The following LHFPL3 variants were observed in gnomAD, a reference collection of about 807,000 sequenced individuals.
LHFPL3 encodes the protein LHFPL tetraspan subfamily member 3 protein.
LHFPL3 carries 5 observed loss-of-function variants against 19.3 expected under a neutral mutation model. The observed-to-expected ratio is 0.26, with a 90% CI of 0.14 to 0.54. LHFPL3 has a LOEUF of 0.54. Ranked by LOEUF, LHFPL3 falls within the 20% of genes least tolerant of loss-of-function variation. LHFPL3 has a pLI of 0.94. For missense variants in LHFPL3, 249 were observed against 307.4 expected (o/e 0.81, Z 1.42); for synonymous variants, 133 against 126.2 (o/e 1.05, Z -0.36).
chr7:104,544,270 T>C (rs1332236931), intron 1 of LHFPL3, among the ~76,000 whole-genome samples: 1 of 152,090 alleles, frequency 6.6e-6, no homozygotes, highest in African/African-American at 2.4e-5. Context: ...TAAATGAAAA[T>C]AACTCCAATA....
intron 2 of LHFPL3, among the ~76,000 whole-genome samples, chr7:104,884,558 A>G (rs1792114612): frequency 7.4e-6 from 1 of 135,354 alleles, no homozygotes; most frequent in African/African-American, 2.5e-5. Flanking sequence ...AGTCTTAGTA[A>G]GATCTTTTTT....
intron 1 of LHFPL3, among the ~76,000 whole-genome samples, chr7:104,710,221 A>C (rs191953539): frequency 1.9e-4 from 29 of 152,350 alleles, no homozygotes; most frequent in Non-Finnish European, 3.5e-4. Context: ...AAGTTGGTCA[A>C]CTTCTTAAAG....
At chr7:104,677,649 C>T (rs564440940) in intron 1 of LHFPL3, among the ~76,000 whole-genome samples, 57 of 152,292 alleles carry the variant, frequency 3.7e-4, no homozygotes, top group Admixed American at 7.8e-4. Flanking sequence ...CTAGGGCAGT[C>T]CTGTCCGCTG....
At chr7:104,455,068 CTT>C (rs1792513771) in intron 1 of LHFPL3, among the ~76,000 whole-genome samples, 1 of 152,108 alleles carries the variant, frequency 6.6e-6, no homozygotes, top group African/African-American at 2.4e-5. Flanking sequence ...AGTGTTTTTC[CTT>C]TATAGTTTCA....
chr7:104,522,496 C>T (rs985626987), intron 1 of LHFPL3, among the ~76,000 whole-genome samples: 2 of 151,742 alleles, frequency 1.3e-5, no homozygotes, highest in African/African-American at 2.4e-5. Flanking sequence ...TGTAACTAAC[C>T]TGCACATTGT....
At chr7:104,658,350 T>C (rs1792156813) in intron 1 of LHFPL3, among the ~76,000 whole-genome samples, 1 of 152,234 alleles carries the variant, frequency 6.6e-6, no homozygotes, top group Non-Finnish European at 1.5e-5. Context: ...TTTCTTTCTC[T>C]CTCTTTTTTT....
At chr7:104,667,565 T>C (rs1196414941) in intron 1 of LHFPL3, among the ~76,000 whole-genome samples, 2 of 152,228 alleles carry the variant, frequency 1.3e-5, no homozygotes, top group African/African-American at 2.4e-5. Context: ...AATCTTCCTA[T>C]AAAGCCTCCA....
chr7:104,643,632 A>C (rs1475399323), intron 1 of LHFPL3, among the ~76,000 whole-genome samples: 1 of 152,176 alleles, frequency 6.6e-6, no homozygotes, highest in Non-Finnish European at 1.5e-5. Flanking sequence ...GGAATCACCC[A>C]AAGAGCCTGG....
At chr7:104,787,469 G>C (rs143461943) in intron 2 of LHFPL3, among the ~76,000 whole-genome samples, 1 of 152,168 alleles carries the variant, frequency 6.6e-6, no homozygotes, top group South Asian at 2.1e-4. Flanking sequence ...GGCACCAACA[G>C]ATATGGTGTC....
chr7:104,794,565 C>T lies in LHFPL3; in HGVS notation c.682+57654C>T, dbSNP rs555686432. Among the ~76,000 whole-genome samples, 2 of 152,230 alleles carry T rather than the reference C, an allele frequency of 1.3e-5. 1 individual carries two copies. Among genetic ancestry groups the T allele is most frequent in the African/African-American group, 4.8e-5 (2 of 41,528 alleles). On this transcript the variant is annotated intron_variant, in intron 2 of 2. Transcript: ENST00000424859. ...TGTGCGATCACATTAAATTCAAGAG[C>T]CAATGTTTCTTTAATAGTTTCTTCT...
intron 1 of LHFPL3, among the ~76,000 whole-genome samples, chr7:104,618,131 C>A (rs1791382381): frequency 6.6e-6 from 1 of 152,090 alleles, no homozygotes; most frequent in Admixed American, 6.5e-5. Context: ...ACAAAAGAAG[C>A]CAAGAGATGT....
chr7:104,426,143 T>A (rs557706530), intron 1 of LHFPL3, among the ~76,000 whole-genome samples: 1 of 152,350 alleles, frequency 6.6e-6, no homozygotes, highest in East Asian at 1.9e-4. Flanking sequence ...TTCTTATGTA[T>A]GGTAGGATTT....
At chr7:104,550,349 T>C (rs576746005) in intron 1 of LHFPL3, among the ~76,000 whole-genome samples, 22 of 151,952 alleles carry the variant, frequency 1.4e-4, no homozygotes, top group Non-Finnish European at 2.8e-4. Flanking sequence ...TCATTTTTGT[T>C]CTGGGGAGAA....
At chr7:104,878,150 C>A (rs1189658301) in intron 2 of LHFPL3, among the ~76,000 whole-genome samples, 1 of 152,028 alleles carries the variant, frequency 6.6e-6, no homozygotes, top group Non-Finnish European at 1.5e-5. Flanking sequence ...CACCATTTTT[C>A]ATAAAAGCCC....
At chr7:104,536,877 GCAA>G (rs1469338831) in intron 1 of LHFPL3, among the ~76,000 whole-genome samples, 1 of 152,060 alleles carries the variant, frequency 6.6e-6, no homozygotes, top group East Asian at 1.9e-4. Flanking sequence ...TCAATAACAG[GCAA>G]CACCACTAGG....
chr7:104,463,338 T>C (rs1463797092), intron 1 of LHFPL3, among the ~76,000 whole-genome samples: 1 of 152,210 alleles, frequency 6.6e-6, no homozygotes, highest in Non-Finnish European at 1.5e-5. Context: ...GATTATTAAT[T>C]TGAAATCTTT....
At chr7:104,340,148 T>C (rs1430363809) in intron 1 of LHFPL3, among the ~76,000 whole-genome samples, 1 of 152,198 alleles carries the variant, frequency 6.6e-6, no homozygotes, top group Admixed American at 6.5e-5. Flanking sequence ...TGACTTTTCA[T>C]TTTCTTGACT....
intron 1 of LHFPL3, among the ~76,000 whole-genome samples, chr7:104,671,727 A>G (rs1792487025): frequency 6.6e-6 from 1 of 152,194 alleles, no homozygotes; most frequent in African/African-American, 2.4e-5. Context: ...CTCATCTGTA[A>G]AAAAATAAAT....
intron 1 of LHFPL3, among the ~76,000 whole-genome samples, chr7:104,465,032 C>A (rs1792750329): frequency 6.6e-6 from 1 of 152,140 alleles, no homozygotes; most frequent in Non-Finnish European, 1.5e-5. Flanking sequence ...ACCAGATACC[C>A]TATATCATCT....
Sources: gnomAD v4.1 joint callset for allele counts (sites outside exome capture counted in the v4.1 genomes callset) on GRCh38, gnomAD v4.1.1 for gene constraint, MANE v1.5 for transcripts, NCBI Gene and HGNC (gene_info 2026-07-23, HGNC 2026-07-21) for gene names.